CCNY: variants seen among roughly 807,000 people sequenced by gnomAD.
The protein encoded by CCNY is cyclin-Y.
In CCNY, 19 loss-of-function variants were observed where a neutral mutation model predicts 42.8. The ratio of observed to expected loss-of-function variants is 0.44; its 90% CI spans 0.31 to 0.65. CCNY has a LOEUF of 0.65. Among genes scored for constraint, CCNY ranks in the 30% least tolerant of loss-of-function variants. The pLI is 0.07. For missense variants in CCNY, 370 were observed against 437.3 expected (o/e 0.85, Z 1.37); for synonymous variants, 165 against 162.7 (o/e 1.01, Z -0.11).
intron 3 of CCNY, among the ~76,000 whole-genome samples, chr10:35,319,348 G>A (rs1835795764): frequency 6.6e-6 from 1 of 152,106 alleles, no homozygotes; most frequent in Admixed American, 6.6e-5. Context: ...CTGTATTCCA[G>A]CCTGGTCTGG....
chr10:35,508,053 C>T (rs1440008393), intron 3 of CCNY, among the ~76,000 whole-genome samples: 1 of 152,176 alleles, frequency 6.6e-6, no homozygotes, highest in African/African-American at 2.4e-5. Flanking sequence ...TGGGCAGGTA[C>T]TTTAAAACCA....
intron 8 of CCNY, among the ~76,000 whole-genome samples, chr10:35,562,928 G>T: frequency 6.6e-6 from 1 of 150,562 alleles, no homozygotes; most frequent in Admixed American, 6.7e-5. Flanking sequence ...TACCAAATTG[G>T]GTTTTTATAC....
At chr10:35,256,995 T>C (rs901827869) in intron 3 of CCNY, among the ~76,000 whole-genome samples, 16 of 152,166 alleles carry the variant, frequency 1.1e-4, no homozygotes, top group Admixed American at 8.5e-4. Flanking sequence ...TAGTCTATCA[T>C]ATAGAAAACA....
At position 35,502,841 on chromosome 10, in the gene CCNY, C is replaced by A. The variant is rs528512355; in HGVS notation, c.264+1306C>A. Among the ~76,000 whole-genome samples, 4 of 152,096 alleles carry A rather than the reference C, an allele frequency of 2.6e-5. No individual in the cohort carries two copies. The South Asian group carries it at 8.3e-4, about 32-fold the overall frequency. ...ATCCTTGCTTCCATTTCTTTGCCTG[C>A]TGGGTGCACTTGAATGCTTTCCCAC... On this transcript the variant is annotated intron_variant, in intron 3 of 9. Coordinates refer to ENST00000374704, the MANE Select transcript of CCNY (RefSeq NM_145012.6).
At chr10:35,485,703 C>A (rs536956306) in intron 2 of CCNY, among the ~76,000 whole-genome samples, 1 of 127,806 alleles carries the variant, frequency 7.8e-6, no homozygotes, top group Non-Finnish European at 1.6e-5. Context: ...CTGGCCTGGG[C>A]GACAGAGCGA....
intron 1 of CCNY, among the ~76,000 whole-genome samples, chr10:35,357,172 T>C (rs1305238113): frequency 2.0e-5 from 3 of 148,104 alleles, no homozygotes; most frequent in Admixed American, 1.3e-4. Context: ...CAGCCCCTGC[T>C]CCTGCCCCTG....
intron 1 of CCNY, among the ~76,000 whole-genome samples, chr10:35,346,721 G>A (rs953694234): frequency 1.6e-4 from 24 of 152,166 alleles, no homozygotes; most frequent in African/African-American, 4.8e-4. Flanking sequence ...CCGCCTCCTG[G>A]GCTTAAGTGA....
rs534414843 is a variant in CCNY at position 35,417,880 on chromosome 10, C to T, written c.155-65524C>T. Among the ~76,000 whole-genome samples, 3 of 152,288 alleles carry T rather than the reference C, an allele frequency of 2.0e-5. No individual in the cohort carries two copies. In the East Asian group the frequency reaches 5.8e-4, roughly 29 times the overall value. Reference sequence around the variant, plus strand: ...AGAGGAAGCTACCAGGAATAGTTCACCTCTCTAGCAATCTGTTCTCTTTTT... The same window carrying T: ...AGAGGAAGCTACCAGGAATAGTTCATCTCTCTAGCAATCTGTTCTCTTTTT... On this transcript the variant is annotated intron_variant, in intron 1 of 9. Transcript: ENST00000374704.
chr10:35,340,834 A>G (rs1159653031), intron 1 of CCNY, among the ~76,000 whole-genome samples: 1 of 152,072 alleles, frequency 6.6e-6, no homozygotes, highest in Non-Finnish European at 1.5e-5. Context: ...TTTACCTGTC[A>G]TCCTTGACAA....
At chr10:35,344,256 G>C (rs944871629) in intron 1 of CCNY, among the ~76,000 whole-genome samples, 1 of 152,216 alleles carries the variant, frequency 6.6e-6, no homozygotes. Flanking sequence ...TCCCAGCTCT[G>C]TGAAGTATGG....
At chr10:35,321,220 A>G (rs1835817965) in intron 3 of CCNY, among the ~76,000 whole-genome samples, 1 of 151,458 alleles carries the variant, frequency 6.6e-6, no homozygotes, top group South Asian at 2.1e-4. Context: ...CATGCAAGGC[A>G]CCTATACAAT....
At chr10:35,320,798 T>C (rs926917234) in intron 3 of CCNY, 1 of 152,198 alleles carries the variant, frequency 6.6e-6, no homozygotes, top group African/African-American at 2.4e-5. Flanking sequence ...TTCTGCATAC[T>C]AGCAATAACC....
rs531297860 is a variant in CCNY at position 35,538,381 on chromosome 10, A to G, written c.579+8138A>G. Among the ~76,000 whole-genome samples, 7 of 152,358 alleles carry G rather than the reference A, an allele frequency of 4.6e-5. No individual in the cohort carries two copies. In the South Asian group the frequency reaches 1.2e-3, roughly 27 times the overall value. On this transcript the variant is annotated intron_variant, in intron 7 of 9. Coordinates refer to ENST00000374704, the MANE Select transcript of CCNY (RefSeq NM_145012.6). ...TGGTAACTCTGTTTTGAGGAACAGC[A>G]GATTGACTGTTTTTCAAAGTGACTG...
intron 1 of CCNY, among the ~76,000 whole-genome samples, chr10:35,350,366 G>A (rs999344804): frequency 7.2e-5 from 11 of 151,878 alleles, no homozygotes; most frequent in African/African-American, 2.7e-4. Context: ...TTCTGTATGT[G>A]TGTGTTTCAT....
chr10:35,510,985 C>T (rs755008088), intron 3 of CCNY, among the ~76,000 whole-genome samples: 1 of 152,206 alleles, frequency 6.6e-6, no homozygotes, highest in Non-Finnish European at 1.5e-5. Context: ...TGGAGTGTCT[C>T]GTCCACATGA....
intron 1 of CCNY, among the ~76,000 whole-genome samples, chr10:35,433,325 T>A (rs1305677048): frequency 6.6e-6 from 1 of 152,242 alleles, no homozygotes; most frequent in African/African-American, 2.4e-5. Context: ...AATTTACTTT[T>A]TTCAAGTCCT....
chr10:35,272,266 C>A (rs1005751803), intron 3 of CCNY, among the ~76,000 whole-genome samples: 1 of 150,860 alleles, frequency 6.6e-6, no homozygotes, highest in Non-Finnish European at 1.5e-5. Context: ...GGATTACAGG[C>A]GTGAGCCACT....
In CCNY at chr10:35,511,066, A is replaced by G. The variant is rs556756477; in HGVS notation, c.265-5457A>G. ...GAACGTGTCAGCATTTCACTGCCCA[A>G]TGGTGCAGGCCCCTGCGGCCAGCTC... is the stretch of plus-strand genomic sequence containing the variant. On this transcript the variant is annotated intron_variant, in intron 3 of 9. Coordinates refer to ENST00000374704, the MANE Select transcript of CCNY (RefSeq NM_145012.6). 5.1e-4 allele frequency among the ~76,000 whole-genome samples: 78 copies of G among 152,286 alleles called. No individual in the cohort carries two copies. In the South Asian group the frequency reaches 0.015, roughly 29 times the overall value.
chr10:35,253,414 A>ATT lies in CCNY; in HGVS notation c.-9+2816_-9+2817dup, dbSNP rs61405875. The stretch of plus-strand genomic sequence containing the variant: ...ACAGGCATGCACCAGCATGCTCACT[A>ATT]TTTTTTTTTTTTTTTTTTTTTTTTT... On this transcript the variant is annotated intron_variant, in intron 3 of 11. Coordinates refer to the CCNY transcript ENST00000374706. 5.7e-4 allele frequency among the ~76,000 whole-genome samples: 51 copies of ATT among 89,014 alleles called. 1 individual carries two copies. The highest frequency in any genetic ancestry group is 8.0e-4 in the African/African-American group (17 of 21,174). The allele number at this position is 89,014 out of a possible 152,430, so 58.4% of individuals were successfully genotyped here. A position where few individuals can be genotyped will look rare whatever the true frequency, so the allele number is the denominator to read the frequency against.
Sources: gnomAD v4.1 joint callset for allele counts (sites outside exome capture counted in the v4.1 genomes callset) on GRCh38, gnomAD v4.1.1 for gene constraint, MANE v1.5 for transcripts, NCBI Gene and HGNC (gene_info 2026-07-23, HGNC 2026-07-21) for gene names.